The following HS3ST4 variants were observed in gnomAD, a reference collection of about 807,000 sequenced individuals.
The protein encoded by HS3ST4 is heparan sulfate-glucosamine 3-sulfotransferase 4.
HS3ST4 carries 17 observed loss-of-function variants against 29.2 expected under a neutral mutation model. The observed-to-expected ratio is 0.58, with a 90% CI of 0.40 to 0.87. HS3ST4 has a LOEUF of 0.87. HS3ST4 is among the 40% of genes least tolerant of loss of function. The pLI is 0.00. For missense variants in HS3ST4, 627 were observed against 634.5 expected, an observed-to-expected ratio of 0.99 and a Z score of 0.13; for synonymous variants, 314 against 285.7, an observed-to-expected ratio of 1.10 and a Z score of -1.00.
At chr16:25,763,663 C>T (rs746450442) in intron 1 of HS3ST4, among the ~76,000 whole-genome samples, 6 of 152,024 alleles carry the variant, frequency 3.9e-5, no homozygotes, top group African/African-American at 7.2e-5. Context: ...GGAATATGTG[C>T]GGGGCTCTGG....
chr16:25,757,031 G>A (rs1035635692), intron 1 of HS3ST4, among the ~76,000 whole-genome samples: 5 of 152,162 alleles, frequency 3.3e-5, no homozygotes, highest in African/African-American at 1.2e-4. Context: ...TAATAACCCT[G>A]TGCCTATGTT....
intron 1 of HS3ST4, among the ~76,000 whole-genome samples, chr16:25,717,293 T>C (rs541626730): frequency 7.2e-5 from 11 of 152,144 alleles, no homozygotes; most frequent in African/African-American, 2.4e-4. Flanking sequence ...TGCCTTCCAG[T>C]AGAGAAGAAA....
intron 1 of HS3ST4, among the ~76,000 whole-genome samples, chr16:26,036,615 T>C (rs73512491): frequency 0.012 from 1,839 of 152,316 alleles, 38 homozygotes; most frequent in African/African-American, 0.04. Flanking sequence ...GAAGATTAGA[T>C]GTACTTTTTT....
At chr16:25,910,177 T>G (rs1200834186) in intron 1 of HS3ST4, among the ~76,000 whole-genome samples, 1 of 152,236 alleles carries the variant, frequency 6.6e-6, no homozygotes, top group African/African-American at 2.4e-5. Context: ...CCATGTATTT[T>G]GCACAGGGCT....
chr16:25,917,085 A>T (rs553345317), intron 1 of HS3ST4, among the ~76,000 whole-genome samples: 1 of 152,166 alleles, frequency 6.6e-6, no homozygotes, highest in Admixed American at 6.5e-5. Flanking sequence ...TAAATCTCTA[A>T]AAAAGAAGTA....
At chr16:25,935,092 C>T (rs1968505773) in intron 1 of HS3ST4, among the ~76,000 whole-genome samples, 1 of 152,144 alleles carries the variant, frequency 6.6e-6, no homozygotes, top group African/African-American at 2.4e-5. Context: ...CTCTCTCCTG[C>T]CACCGTGTGA....
At chr16:26,132,536 T>C (rs914464763) in intron 1 of HS3ST4, among the ~76,000 whole-genome samples, 5 of 152,200 alleles carry the variant, frequency 3.3e-5, no homozygotes, top group Admixed American at 3.3e-4. Flanking sequence ...ACACATCTAC[T>C]CTGCTAAATC....
chr16:25,863,680 T>TTG (rs369737084), intron 1 of HS3ST4, among the ~76,000 whole-genome samples: 17 of 152,150 alleles, frequency 1.1e-4, no homozygotes, highest in African/African-American at 3.6e-4. Flanking sequence ...GTGTTATGTG[T>TTG]TGTGTGTGTG....
chr16:25,828,305 T>TTTCC (rs1567249540), intron 1 of HS3ST4, among the ~76,000 whole-genome samples: 122 of 76,038 alleles, frequency 1.6e-3, no homozygotes, highest in Non-Finnish European at 2.3e-3. Context: ...TCTTTCCCTC[T>TTTCC]CTCTCTCTCT....
chr16:25,719,766 A>G (rs896059260), intron 1 of HS3ST4, among the ~76,000 whole-genome samples: 32 of 152,250 alleles, frequency 2.1e-4, no homozygotes, highest in East Asian at 1.9e-4. Context: ...CCAGAAGACC[A>G]CAGTATATTT....
intron 1 of HS3ST4, among the ~76,000 whole-genome samples, chr16:25,924,807 G>A (rs1254576389): frequency 6.6e-6 from 1 of 152,172 alleles, no homozygotes; most frequent in Non-Finnish European, 1.5e-5. Flanking sequence ...GGACTGATGA[G>A]CAACTAACCT....
At chr16:25,705,717 G>A (rs994077385) in intron 1 of HS3ST4, among the ~76,000 whole-genome samples, 1 of 151,982 alleles carries the variant, frequency 6.6e-6, no homozygotes, top group Admixed American at 6.6e-5. Context: ...GAAGCTGAAG[G>A]TGGAATCAGA....
intron 1 of HS3ST4, among the ~76,000 whole-genome samples, chr16:25,893,619 T>G (rs1053922693): frequency 1.3e-5 from 2 of 152,214 alleles, no homozygotes; most frequent in African/African-American, 4.8e-5. Context: ...CCAATCACTG[T>G]GGCCATGGTG....
chr16:25,846,770 T>C (rs896419920), intron 1 of HS3ST4, among the ~76,000 whole-genome samples: 29 of 152,290 alleles, frequency 1.9e-4, no homozygotes, highest in African/African-American at 7.0e-4. Flanking sequence ...TATTTTTATA[T>C]GCAGTCTGAT....
intron 1 of HS3ST4, among the ~76,000 whole-genome samples, chr16:25,711,643 T>G (rs1050445518): frequency 1.3e-5 from 2 of 152,212 alleles, no homozygotes; most frequent in African/African-American, 4.8e-5. Flanking sequence ...AGTGTTCTCA[T>G]GAGTAGAACT....
intron 1 of HS3ST4, among the ~76,000 whole-genome samples, chr16:25,807,410 A>T (rs1375425947): frequency 6.6e-6 from 1 of 152,240 alleles, no homozygotes; most frequent in Non-Finnish European, 1.5e-5. Flanking sequence ...GTACCATAAG[A>T]TATGAAACCT....
At chr16:26,075,079 G>A (rs1342838648) in intron 1 of HS3ST4, among the ~76,000 whole-genome samples, 1 of 152,312 alleles carries the variant, frequency 6.6e-6, no homozygotes, top group South Asian at 2.1e-4. Flanking sequence ...TGTAGTCCCA[G>A]CTACGCAGGA....
intron 1 of HS3ST4, among the ~76,000 whole-genome samples, chr16:25,870,168 C>G (rs1406034744): frequency 6.6e-6 from 1 of 151,978 alleles, no homozygotes; most frequent in Non-Finnish European, 1.5e-5. Flanking sequence ...CATCATTTGC[C>G]CATCCATCCA....
At chr16:25,868,334 G>C (rs929201816) in intron 1 of HS3ST4, among the ~76,000 whole-genome samples, 4 of 152,070 alleles carry the variant, frequency 2.6e-5, no homozygotes, top group Non-Finnish European at 5.9e-5. Context: ...TTCATTGTAA[G>C]ATACTAAATC....
Sources: gnomAD v4.1 joint callset for allele counts (sites outside exome capture counted in the v4.1 genomes callset) on GRCh38, gnomAD v4.1.1 for gene constraint, MANE v1.5 for transcripts, NCBI Gene and HGNC (gene_info 2026-07-23, HGNC 2026-07-21) for gene names.